The following RGS3 variants were observed in gnomAD, a reference collection of about 807,000 sequenced individuals.
RGS3 encodes regulator of G-protein signalling 3.
Under a neutral mutation model 132.6 loss-of-function variants are expected in RGS3, and 80 were observed. That is an observed-to-expected ratio of 0.60 (90% CI 0.50 to 0.73). The LOEUF is 0.73. RGS3 is among the 30% of genes least tolerant of loss of function. The pLI, the probability that RGS3 is intolerant of heterozygous loss-of-function variation, is 0.00. For synonymous variants in RGS3, 598 were observed against 620.6 expected (o/e 0.96, Z 0.54); for missense variants, 1,382 against 1,530.8 (o/e 0.90, Z 1.62).
At chr9:113,550,796 T>G (rs1833310321) in intron 19 of RGS3, among the ~76,000 whole-genome samples, 1 of 152,222 alleles carries the variant, frequency 6.6e-6, no homozygotes, top group African/African-American at 2.4e-5. Flanking sequence ...TGTTCAAGTC[T>G]TTTGCTCATT....
At chr9:113,501,199 C>A (rs1239349847) in intron 10 of RGS3, among the ~76,000 whole-genome samples, 1 of 152,208 alleles carries the variant, frequency 6.6e-6, no homozygotes, top group Non-Finnish European at 1.5e-5. Flanking sequence ...GCCACGTTTT[C>A]TGCCTGGGTT....
At chr9:113,529,625 C>T (rs1224086080) in intron 18 of RGS3, among the ~76,000 whole-genome samples, 1 of 152,230 alleles carries the variant, frequency 6.6e-6, no homozygotes, top group African/African-American at 2.4e-5. Flanking sequence ...CGCCCTGATT[C>T]CTGTACCTGC....
At chr9:113,497,798 A>G (rs543285675) in intron 9 of RGS3, among the ~76,000 whole-genome samples, 1 of 152,282 alleles carries the variant, frequency 6.6e-6, no homozygotes, top group South Asian at 2.1e-4. Flanking sequence ...CCTAAGGCTC[A>G]GAATGTGGAT....
chr9:113,595,242 T>G, intron 23 of RGS3: 1 of 579,558 alleles, frequency 1.7e-6, no homozygotes. Context: ...AGATCCATAT[T>G]CCCAGAATAA....
At chr9:113,510,143 C>T (rs919241221) in intron 14 of RGS3, among the ~76,000 whole-genome samples, 2 of 151,968 alleles carry the variant, frequency 1.3e-5, no homozygotes, top group East Asian at 1.9e-4. Flanking sequence ...TATGCCTTTG[C>T]GTCCTCATAG....
chr9:113,467,914 A>G (rs926886502), intron 3 of RGS3, among the ~76,000 whole-genome samples: 1 of 152,158 alleles, frequency 6.6e-6, no homozygotes, highest in Non-Finnish European at 1.5e-5. Flanking sequence ...TTTTGTAGAG[A>G]TGAGGTTTCC....
intron 19 of RGS3, chr9:113,580,606 G>A (rs1588283334): frequency 5.7e-6 from 1 of 175,658 alleles, no homozygotes; most frequent in Non-Finnish European, 1.1e-5. Flanking sequence ...CCTGGCTCGG[G>A]TATCTGAGCA....
At chr9:113,544,807 A>G (rs1476889924) in intron 19 of RGS3, among the ~76,000 whole-genome samples, 4 of 152,056 alleles carry the variant, frequency 2.6e-5, no homozygotes, top group African/African-American at 9.7e-5. Flanking sequence ...CTAATCTACC[A>G]CTCATTTCTG....
chr9:113,594,406 C>T (rs769492791), intron 21 of RGS3, 24 bp from the exon 20 acceptor site: 6 of 1,612,184 alleles, frequency 3.7e-6, no homozygotes, highest in South Asian at 1.1e-5. Flanking sequence ...GCTGAGCAAC[C>T]CTCTTTTCTG....
At chr9:113,536,506 C>A in intron 18 of RGS3, 2 of 1,094,754 alleles carry the variant, frequency 1.8e-6, no homozygotes, top group East Asian at 6.4e-5. Context: ...GTGACCTCAT[C>A]GGCTCTGTCC....
rs1048379163 is a variant in RGS3 at position 113,565,656 on chromosome 9, G to A, written c.2038-17794G>A. 9.1e-5 allele frequency: 26 copies of A among 284,690 alleles called. No homozygotes were observed. Among genetic ancestry groups the A allele is most frequent in the African/African-American group, 2.0e-4 (9 of 44,938 alleles). The allele number at this position is 284,690 out of a possible 1,614,324, so 17.6% of individuals were successfully genotyped here. A position where few individuals can be genotyped will look rare whatever the true frequency, so the allele number is the denominator to read the frequency against. ...CGGCCGCCCGCCTGCGGGAGGAGCC[G>A]GGTGGAAACCTGGGCGGGCGAGCTG... On this transcript the variant is annotated intron_variant, in intron 19 of 24. Coordinates refer to ENST00000350696, the Ensembl canonical transcript of RGS3. The surrounding 1 kb of genome is among the most constrained non-coding windows in gnomAD (Gnocchi z 5.7).
chr9:113,461,096 A>T (rs1829460905), intron 1 of RGS3, among the ~76,000 whole-genome samples: 1 of 151,968 alleles, frequency 6.6e-6, no homozygotes, highest in Non-Finnish European at 1.5e-5. Context: ...TAGTGTGTTT[A>T]TGTATGTGTA....
At chr9:113,454,143 C>G (rs543682338) in intron 1 of RGS3, among the ~76,000 whole-genome samples, 30 of 152,116 alleles carry the variant, frequency 2.0e-4, no homozygotes, top group African/African-American at 6.5e-4. Context: ...CGGTTGGTTT[C>G]TATTGATTTT....
At chr9:113,570,930 C>T (rs907274199) in intron 19 of RGS3, among the ~76,000 whole-genome samples, 4 of 152,204 alleles carry the variant, frequency 2.6e-5, no homozygotes, top group Admixed American at 2.6e-4. Flanking sequence ...GTCACTGCAC[C>T]CGGCCCTTGT....
rs372250556 is a variant in RGS3 at position 113,496,955 on chromosome 9, C to T, written c.751-359C>T. On this transcript the variant is annotated intron_variant, in intron 8 of 24. Coordinates refer to ENST00000350696, the Ensembl canonical transcript of RGS3. Reference sequence around the variant, plus strand: ...GATGCCTTTTGGTCTCTCCATCCCTCTTTCACTCCTTCACTTCTGTTCTGT... The same window carrying T: ...GATGCCTTTTGGTCTCTCCATCCCTTTTTCACTCCTTCACTTCTGTTCTGT... Among the ~76,000 whole-genome samples, 21 of 152,330 alleles carry T rather than the reference C, an allele frequency of 1.4e-4. No homozygotes were observed. The East Asian group carries it at 2.3e-3, about 17-fold the overall frequency.
chr9:113,449,597 G>T (rs1041932317), intron 1 of RGS3, among the ~76,000 whole-genome samples: 2 of 152,090 alleles, frequency 1.3e-5, no homozygotes, highest in Non-Finnish European at 2.9e-5. Context: ...AGGTCAAGTT[G>T]CTGTTCCTCA....
chr9:113,447,337 A>ATATATG, intron 1 of RGS3, among the ~76,000 whole-genome samples: 1 of 53,524 alleles, frequency 1.9e-5, no homozygotes, highest in African/African-American at 5.0e-5. Context: ...ATGTATATAT[A>ATATATG]TATATATATA....
At chr9:113,487,252 C>T (rs2119239450) in intron 7 of RGS3, among the ~76,000 whole-genome samples, 1 of 151,568 alleles carries the variant, frequency 6.6e-6, no homozygotes, top group South Asian at 2.1e-4. Flanking sequence ...GCTGGGACTA[C>T]AGGCGCCCGC....
chr9:113,541,565 T>C, intron 19 of RGS3: 5 of 1,432,974 alleles, frequency 3.5e-6, no homozygotes, highest in Non-Finnish European at 3.7e-6. Context: ...AAGGGAGTGG[T>C]CCCAAGGGTG....
Sources: allele counts gnomAD v4.1 joint callset (sites outside exome capture counted in the v4.1 genomes callset), GRCh38; gene constraint gnomAD v4.1.1; non-coding constraint Gnocchi (gnomAD v3.1); transcripts MANE v1.5; gene names NCBI Gene and HGNC (gene_info 2026-07-23, HGNC 2026-07-21).